The following ASNS variants were observed in gnomAD, a reference collection of about 807,000 sequenced individuals.
ASNS encodes asparagine synthetase (glutamine-hydrolyzing).
ASNS carries 37 observed loss-of-function variants against 62.6 expected under a neutral mutation model. That is an observed-to-expected ratio of 0.59 (90% CI 0.45 to 0.78). The LOEUF (loss-of-function observed/expected upper bound fraction) is 0.78, where lower values mean the gene tolerates loss of function less well. Among genes scored for constraint, ASNS ranks in the 30% least tolerant of loss-of-function variants. The pLI, the probability that ASNS is intolerant of heterozygous loss-of-function variation, is 0.00. For missense variants in ASNS, 520 were observed against 682.4 expected (o/e 0.76, Z 2.65); for synonymous variants, 207 against 237.9 (o/e 0.87, Z 1.19).
intron 9 of ASNS, 94 bp from the exon 10 acceptor site, chr7:97,854,774 A>G (rs772554953): frequency 6.4e-7 from 1 of 1,572,312 alleles, no homozygotes; most frequent in South Asian, 1.2e-5. Flanking sequence ...GATAAGACAA[A>G]AAGTTAAACA....
intron 9 of ASNS, 196 bp downstream of exon 9, chr7:97,855,157 A>G (rs764521637): frequency 1.9e-6 from 1 of 518,894 alleles, no homozygotes; most frequent in Non-Finnish European, 3.4e-6. Context: ...CTAGTTTTAA[A>G]GAATAAAAAT....
chr7:97,883,351 G>A, the ASNS span, among the ~76,000 whole-genome samples: 2 of 152,094 alleles, frequency 1.3e-5, no homozygotes, highest in Non-Finnish European at 2.9e-5. Context: ...GGGACCTCAA[G>A]TAACCTTAGG....
chr7:97,902,577 A>C, the ASNS span, among the ~76,000 whole-genome samples: 1 of 152,082 alleles, frequency 6.6e-6, no homozygotes, highest in South Asian at 2.1e-4. Flanking sequence ...AAAATTAGGC[A>C]ACAGTGGTGG....
the ASNS span, among the ~76,000 whole-genome samples, chr7:97,913,788 A>C: frequency 6.6e-6 from 1 of 151,384 alleles, no homozygotes; most frequent in South Asian, 2.1e-4. Flanking sequence ...GGAATAAATG[A>C]ACAGAAGGAC....
Position 97,869,477 on chromosome 7 carries a change from G to A in ASNS, c.-23-298C>T, listed in dbSNP as rs550291926. Among the ~76,000 whole-genome samples, 8 of 152,262 alleles carry A rather than the reference G, an allele frequency of 5.3e-5. No individual in the cohort carries two copies. In the South Asian group the frequency reaches 1.0e-3, roughly 20 times the overall value. Reference sequence around the variant, plus strand: ...TTAGTGGTTGGCTAGAGCTGACAGCGTCCATGCCACATCTGTCTCTGCATT... The same window carrying A: ...TTAGTGGTTGGCTAGAGCTGACAGCATCCATGCCACATCTGTCTCTGCATT... On this transcript the variant is annotated intron_variant, in intron 2 of 12. Coordinates refer to ENST00000394308, the MANE Select transcript of ASNS (RefSeq NM_001673.5).
chr7:97,886,028 G>T, the ASNS span: 19 of 605,440 alleles, frequency 3.1e-5, no homozygotes, highest in South Asian at 2.5e-4. Context: ...CCTCCTGCCC[G>T]TCTCATGATG....
the ASNS span, chr7:97,928,419 G>A: frequency 1.9e-6 from 1 of 519,102 alleles, no homozygotes. Context: ...GGTGGGCACC[G>A]GGGCCGGCGC....
At chr7:97,852,521 T>C (rs1791231239) in intron 12 of ASNS, 53 bp from the exon 13 acceptor site, 6 of 1,531,758 alleles carry the variant, frequency 3.9e-6, no homozygotes, top group Non-Finnish European at 5.4e-6. Context: ...AGGAAATACT[T>C]GTGTTTAGTC....
In ASNS at chr7:97,858,834, G is replaced by GTT. The variant is rs36021744; in HGVS notation, c.775+18_775+19dup. 9.6e-3 allele frequency: 15,272 copies of GTT among 1,587,228 alleles called. 184 individuals are homozygous for GTT. The highest frequency in any genetic ancestry group is 8.8e-3 in the Non-Finnish European group (10,224 of 1,166,782). On this transcript the variant is annotated intron_variant, in intron 6 of 12. Transcript: ENST00000394308. ...TTAAACACACATGAAATATAATTAG[G>GTT]TTTTTTTAATTGACTTCACCTGATA...
At chr7:97,882,163 T>C in the ASNS span, among the ~76,000 whole-genome samples, 8 of 152,094 alleles carry the variant, frequency 5.3e-5, no homozygotes, top group Non-Finnish European at 8.8e-5. Context: ...CAAATTCTAT[T>C]TGAAGTTTGA....
At chr7:97,920,152 T>C in the ASNS span, among the ~76,000 whole-genome samples, 1 of 151,994 alleles carries the variant, frequency 6.6e-6, no homozygotes, top group Non-Finnish European at 1.5e-5. Flanking sequence ...GTATTATAGG[T>C]GTCACCATGG....
the ASNS span, chr7:97,886,130 G>A: frequency 8.4e-6 from 3 of 355,306 alleles, no homozygotes; most frequent in African/African-American, 2.1e-5. Flanking sequence ...TGTTACTGTT[G>A]TGTTTTTTTT....
In ASNS at chr7:97,854,595, G is replaced by A. The variant is rs2115607157; in HGVS notation, c.1223C>T (p.Thr408Ile). The A allele has an allele frequency of 6.2e-7, 1 of 1,613,908 alleles. No homozygotes were observed. The highest frequency in any genetic ancestry group is 1.1e-5 in the South Asian group (1 of 91,014). The change falls in exon 10 of 13, where the codon ACT becomes ATT. Residue 408 changes from threonine to isoleucine, a missense_variant. Coordinates refer to ENST00000394308, the MANE Select transcript of ASNS (RefSeq NM_001673.5). ...AAAATATTACCCATGGGCAGCAGTA[G>A]TTCGATCTGCGCGGAGAACATCAAA... ...YLFDVLRADR[T>I]TAAHGLELRV...
chr7:97,868,534 T>TGTGTGC (rs1367613385), intron 3 of ASNS, among the ~76,000 whole-genome samples: 2 of 120,978 alleles, frequency 1.7e-5, no homozygotes, highest in Non-Finnish European at 3.5e-5. Flanking sequence ...TGTGTGTGTG[T>TGTGTGC]GTGTGTGTGT....
upstream of ASNS, among the ~76,000 whole-genome samples, chr7:97,877,095 CTTTT>C (rs55853302): frequency 4.2e-5 from 5 of 120,438 alleles, no homozygotes; most frequent in Admixed American, 8.3e-5. Flanking sequence ...CATTTAACTT[CTTTT>C]TTTTTTTTTT....
chr7:97,865,026 A>G (rs1791898878), intron 3 of ASNS, among the ~76,000 whole-genome samples: 1 of 152,210 alleles, frequency 6.6e-6, no homozygotes, highest in South Asian at 2.1e-4. Context: ...TGTGCATGAA[A>G]CAAAGTTTGC....
At chr7:97,860,373 G>A (rs1007698834) in intron 4 of ASNS, among the ~76,000 whole-genome samples, 2 of 152,228 alleles carry the variant, frequency 1.3e-5, no homozygotes, top group Non-Finnish European at 2.9e-5. Context: ...AGGAATTTCA[G>A]AGGGTAAGTT....
chr7:97,888,535 C>T, the ASNS span, among the ~76,000 whole-genome samples: 5 of 152,310 alleles, frequency 3.3e-5, no homozygotes, highest in Admixed American at 2.6e-4. Flanking sequence ...TGTGTCACTA[C>T]GACAGAGGTT....
At chr7:97,880,936 TTTG>T in the ASNS span, among the ~76,000 whole-genome samples, 15 of 126,894 alleles carry the variant, frequency 1.2e-4, no homozygotes, top group East Asian at 9.7e-4. Context: ...TGTGTGTGTT[TTTG>T]TTTTGTTTTG....
Sources: allele counts gnomAD v4.1 joint callset (sites outside exome capture counted in the v4.1 genomes callset), GRCh38; gene constraint gnomAD v4.1.1; transcripts MANE v1.5; gene names NCBI Gene and HGNC (gene_info 2026-07-23, HGNC 2026-07-21).